CTNNA3: variants seen among roughly 807,000 people sequenced by gnomAD.
CTNNA3 encodes the protein catenin alpha-3.
Under a neutral mutation model 95.7 loss-of-function variants are expected in CTNNA3, and 76 were observed. The observed-to-expected ratio is 0.79, with a 90% CI of 0.66 to 0.96. The LOEUF is 0.96. Among genes scored for constraint, CTNNA3 ranks in the 40% least tolerant of loss-of-function variants. CTNNA3 has a pLI of 0.00. For missense variants in CTNNA3, 1,191 were observed against 1,089.8 expected (o/e 1.09, Z -1.31); for synonymous variants, 431 against 374.4 (o/e 1.15, Z -1.74).
intron 3 of CTNNA3, among the ~76,000 whole-genome samples, chr10:67,597,196 G>C (rs761477543): frequency 2.8e-4 from 42 of 152,234 alleles, no homozygotes; most frequent in Admixed American, 2.6e-4. Context: ...CCTTGGATTG[G>C]GTTTCAACTT....
chr10:66,349,834 A>G (rs1341087852), intron 12 of CTNNA3, among the ~76,000 whole-genome samples: 1 of 152,094 alleles, frequency 6.6e-6, no homozygotes, highest in East Asian at 1.9e-4. Flanking sequence ...CTTAATCAAA[A>G]CTAACCAAAA....
intron 6 of CTNNA3, among the ~76,000 whole-genome samples, chr10:67,195,446 A>T (rs1375396338): frequency 6.9e-6 from 1 of 145,190 alleles, no homozygotes; most frequent in African/African-American, 2.5e-5. Context: ...GAGGAAAATA[A>T]AATCTACACC....
chr10:66,412,605 G>C (rs576679850), intron 11 of CTNNA3, among the ~76,000 whole-genome samples: 1 of 151,606 alleles, frequency 6.6e-6, no homozygotes, highest in African/African-American at 2.4e-5. Flanking sequence ...GACTACAGGC[G>C]TCCACCACCA....
intron 1 of CTNNA3, among the ~76,000 whole-genome samples, chr10:67,739,905 C>T (rs1050953418): frequency 2.9e-4 from 44 of 152,146 alleles, no homozygotes; most frequent in Non-Finnish European, 5.1e-4. Context: ...TGACTTCAAA[C>T]TATACTACAA....
chr10:67,601,455 G>A (rs561116624), intron 3 of CTNNA3, among the ~76,000 whole-genome samples: 1 of 152,260 alleles, frequency 6.6e-6, no homozygotes, highest in South Asian at 2.1e-4. Context: ...TGGAGCTTAG[G>A]CAGTAATGCT....
At chr10:67,465,697 C>T (rs1350232176) in intron 5 of CTNNA3, among the ~76,000 whole-genome samples, 1 of 152,010 alleles carries the variant, frequency 6.6e-6, no homozygotes, top group Non-Finnish European at 1.5e-5. Flanking sequence ...GAACTACTGC[C>T]TATCAGAAAA....
chr10:66,511,108 C>T (rs564495630), intron 11 of CTNNA3, among the ~76,000 whole-genome samples: 1 of 151,614 alleles, frequency 6.6e-6, no homozygotes, highest in Non-Finnish European at 1.5e-5. Context: ...TTGGTTCAAT[C>T]TTGGTATTTT....
rs114106735 is a variant in CTNNA3, at chr10:66,188,883, C to A, written c.1885-85634G>T. 9.6e-3 allele frequency among the ~76,000 whole-genome samples: 1,464 copies of A among 152,014 alleles called. 29 individuals are homozygous for A. Among genetic ancestry groups the A allele is most frequent in the African/African-American group, 0.034 (1,420 of 41,484 alleles). Reference sequence around the variant, plus strand: ...GGTTTCCCTTTTCTCCACATCCTCACCAACACTTATCTCTTGATATTTTTA... The same window carrying A: ...GGTTTCCCTTTTCTCCACATCCTCAACAACACTTATCTCTTGATATTTTTA... On this transcript the variant is annotated intron_variant, in intron 13 of 17. Transcript: ENST00000433211.
chr10:67,482,241 T>C (rs966696758), intron 5 of CTNNA3, among the ~76,000 whole-genome samples: 30 of 151,928 alleles, frequency 2.0e-4, no homozygotes, highest in African/African-American at 5.6e-4. Context: ...GCCTCTTTTT[T>C]GGTTCCATAT....
chr10:66,176,511 A>G (rs2085722130), intron 13 of CTNNA3, among the ~76,000 whole-genome samples: 1 of 152,152 alleles, frequency 6.6e-6, no homozygotes, highest in African/African-American at 2.4e-5. Context: ...AAAGTCTTAA[A>G]TATATGTAAA....
chr10:67,413,301 T>C (rs533075447), intron 5 of CTNNA3, among the ~76,000 whole-genome samples: 1 of 148,746 alleles, frequency 6.7e-6, no homozygotes, highest in East Asian at 1.9e-4. Context: ...CATTCATTCA[T>C]TCATCAGATA....
chr10:66,092,724 G>C (rs1462834), intron 14 of CTNNA3, among the ~76,000 whole-genome samples: 1 of 151,352 alleles, frequency 6.6e-6, no homozygotes, highest in African/African-American at 2.4e-5. Flanking sequence ...GGTGGAAAAC[G>C]GGCATTTTTG....
chr10:67,354,900 A>C (rs1392700318), intron 5 of CTNNA3, among the ~76,000 whole-genome samples: 1 of 151,914 alleles, frequency 6.6e-6, no homozygotes, highest in East Asian at 1.9e-4. Flanking sequence ...TAGGGTATCT[A>C]TTTCTTATTT....
At chr10:66,937,629 A>C (rs928055971) in intron 7 of CTNNA3, among the ~76,000 whole-genome samples, 5 of 152,176 alleles carry the variant, frequency 3.3e-5, no homozygotes, top group African/African-American at 1.2e-4. Flanking sequence ...ATGGTAGTAC[A>C]TAAAACCAAT....
chr10:66,068,250 C>T (rs1338211011), intron 15 of CTNNA3, among the ~76,000 whole-genome samples: 2 of 152,028 alleles, frequency 1.3e-5, no homozygotes, highest in East Asian at 1.9e-4. Flanking sequence ...GTCCATTCTT[C>T]CACTACAATA....
intron 12 of CTNNA3, among the ~76,000 whole-genome samples, chr10:66,334,864 A>G (rs1349468618): frequency 6.6e-6 from 1 of 152,104 alleles, no homozygotes; most frequent in Non-Finnish European, 1.5e-5. Context: ...ACTTTCAGGT[A>G]CACCAATCAG....
intron 15 of CTNNA3, among the ~76,000 whole-genome samples, chr10:66,047,570 A>G (rs2079854505): frequency 3.9e-5 from 6 of 152,170 alleles, no homozygotes; most frequent in Admixed American, 3.3e-4. Context: ...AAACCAGCAC[A>G]AGACAAATAT....
chr10:67,461,422 G>A (rs1237664124), intron 5 of CTNNA3, among the ~76,000 whole-genome samples: 2 of 152,016 alleles, frequency 1.3e-5, no homozygotes, highest in African/African-American at 4.8e-5. Flanking sequence ...TACTTAGCTT[G>A]TAGTCTATGA....
chr10:66,187,361 G>A (rs980703074), intron 13 of CTNNA3, among the ~76,000 whole-genome samples: 2 of 150,846 alleles, frequency 1.3e-5, no homozygotes, highest in Non-Finnish European at 2.9e-5. Flanking sequence ...CTAGGAATGA[G>A]TTATTCATAG....
Sources: allele counts gnomAD v4.1 joint callset (sites outside exome capture counted in the v4.1 genomes callset), GRCh38; gene constraint gnomAD v4.1.1; transcripts MANE v1.5; gene names NCBI Gene and HGNC (gene_info 2026-07-23, HGNC 2026-07-21).